Variants in BBOX1 observed in about 807,000 individuals in gnomAD.
BBOX1 encodes gamma-butyrobetaine hydroxylase 1.
Under a neutral mutation model 41.6 loss-of-function variants are expected in BBOX1, and 35 were observed. That is an observed-to-expected ratio of 0.84 (90% CI 0.64 to 1.11). The LOEUF (loss-of-function observed/expected upper bound fraction) is 1.11. BBOX1 is among the 50% of genes most tolerant of loss of function. The probability of loss-of-function intolerance (pLI) is 0.00; values close to 1 mark genes in which losing one functional copy is unlikely to be tolerated. For missense variants in BBOX1, 458 were observed against 460.6 expected, an observed-to-expected ratio of 0.99 and a Z score of 0.05; for synonymous variants, 163 against 154.7, an observed-to-expected ratio of 1.05 and a Z score of -0.40.
At chr11:27,126,762 G>T (rs569711913) in intron 8 of BBOX1, among the ~76,000 whole-genome samples, 1 of 147,660 alleles carries the variant, frequency 6.8e-6, no homozygotes, top group East Asian at 2.0e-4. Context: ...TGCAAGCTCC[G>T]CCTCCCGGGT....
intron 2 of BBOX1, among the ~76,000 whole-genome samples, chr11:27,050,125 T>TAA (rs1275840060): frequency 6.6e-6 from 1 of 152,180 alleles, no homozygotes; most frequent in Non-Finnish European, 1.5e-5. Flanking sequence ...TTTCCCCATT[T>TAA]AGTGTTCTTG....
intron 2 of BBOX1, among the ~76,000 whole-genome samples, chr11:27,048,749 C>CTTTT (rs35376713): frequency 2.4e-4 from 32 of 132,914 alleles, no homozygotes; most frequent in Non-Finnish European, 2.8e-4. Flanking sequence ...AATGGTAGTT[C>CTTTT]TTTTTTTTTT....
chr11:27,115,691 C>A, intron 6 of BBOX1, 134 bp downstream of exon 6: 1 of 617,002 alleles, frequency 1.6e-6, no homozygotes, highest in Non-Finnish European at 2.6e-6. Context: ...ACAATCCAAG[C>A]TCACAAAATC....
At chr11:27,076,906 T>G (rs1857650560) in intron 4 of BBOX1, among the ~76,000 whole-genome samples, 2 of 152,124 alleles carry the variant, frequency 1.3e-5, no homozygotes, top group African/African-American at 2.4e-5. Context: ...AAGGCAGGTC[T>G]CAGACTTGCA....
At chr11:27,056,778 A>C (rs1176512654) in intron 3 of BBOX1, among the ~76,000 whole-genome samples, 1 of 151,974 alleles carries the variant, frequency 6.6e-6, no homozygotes, top group Admixed American at 6.5e-5. Flanking sequence ...TGTCTTAAAA[A>C]TTAAGCTGGC....
chr11:27,086,458 C>T (rs546277030), intron 4 of BBOX1, among the ~76,000 whole-genome samples: 183 of 152,202 alleles, frequency 1.2e-3, no homozygotes, highest in Middle Eastern at 3.4e-3. Context: ...GATGACCATA[C>T]GTCTATTTAC....
intron 4 of BBOX1, among the ~76,000 whole-genome samples, chr11:27,075,467 C>T (rs1390045442): frequency 2.0e-5 from 3 of 152,100 alleles, no homozygotes; most frequent in Non-Finnish European, 4.4e-5. Flanking sequence ...AAATGCAACA[C>T]CCAATCATCG....
intron 4 of BBOX1, among the ~76,000 whole-genome samples, chr11:27,085,475 C>T (rs564110779): frequency 3.3e-5 from 5 of 151,754 alleles, no homozygotes; most frequent in South Asian, 4.2e-4. Flanking sequence ...TCTGGGGTAC[C>T]ATAACCAGCA....
At chr11:27,050,620 T>A (rs7128441) in intron 2 of BBOX1, among the ~76,000 whole-genome samples, 2 of 149,980 alleles carry the variant, frequency 1.3e-5, no homozygotes, top group South Asian at 4.2e-4. Flanking sequence ...TTGAATTGTC[T>A]TATCGATACC....
intron 4 of BBOX1, among the ~76,000 whole-genome samples, chr11:27,069,744 T>C (rs1206925569): frequency 1.3e-5 from 2 of 152,132 alleles, no homozygotes; most frequent in African/African-American, 4.8e-5. Context: ...CTCCATTCAG[T>C]ATGATGTTGG....
At chr11:27,088,399 T>C (rs1041671954) in intron 4 of BBOX1, among the ~76,000 whole-genome samples, 11 of 152,080 alleles carry the variant, frequency 7.2e-5, no homozygotes, top group African/African-American at 2.4e-4. Flanking sequence ...AGAAGCTAGC[T>C]GATTTTTCAG....
At position 27,119,704 on chromosome 11, in the gene BBOX1, T is replaced by C. The variant is rs1859396223; in HGVS notation, c.695T>C (p.Val232Ala). The stretch of plus-strand genomic sequence containing the variant: ...GTCACAGGGGGTGATTCAGAAATTG[T>C]AGATGGGTTTAATGTGTGCCAAAAA... Reference protein sequence around the residue: ...QTVTGGDSEIVDGFNVCQKLK... With the variant: ...QTVTGGDSEIADGFNVCQKLK... Residue 232 changes from valine to alanine, a missense_variant, in exon 7 of 9, where the codon GTA (valine) becomes GCA (alanine). Transcript: ENST00000263182. 3 of 1,581,526 alleles carry C rather than the reference T, an allele frequency of 1.9e-6. No homozygotes were observed. The highest frequency in any genetic ancestry group is 8.6e-7 in the Non-Finnish European group (1 of 1,166,794).
At position 27,055,658 on chromosome 11, in the gene BBOX1, C is replaced by T. The variant is rs781503812; in HGVS notation, c.219+9C>T. On this transcript the variant is annotated intron_variant, in intron 3 of 8. Coordinates refer to ENST00000263182, the MANE Select transcript of BBOX1 (RefSeq NM_003986.3). Reference sequence around the variant, plus strand: ...TATTTGACAGAAAAAAGGTAATTATCTCTAAATTATGTCTCCCTTCTTTCT... The same window carrying T: ...TATTTGACAGAAAAAAGGTAATTATTTCTAAATTATGTCTCCCTTCTTTCT... 1.3e-6 allele frequency: 2 copies of T among 1,599,450 alleles called. No individual in the cohort carries two copies. Among genetic ancestry groups the T allele is most frequent in the Non-Finnish European group, 1.7e-6 (2 of 1,167,476 alleles).
At chr11:27,082,642 T>A (rs910031048) in intron 4 of BBOX1, among the ~76,000 whole-genome samples, 1 of 152,182 alleles carries the variant, frequency 6.6e-6, no homozygotes, top group Non-Finnish European at 1.5e-5. Flanking sequence ...TTTCTCCTCA[T>A]CAATAAAATG....
chr11:27,087,918 A>G (rs1189578720), intron 4 of BBOX1, among the ~76,000 whole-genome samples: 1 of 152,102 alleles, frequency 6.6e-6, no homozygotes, highest in Non-Finnish European at 1.5e-5. Flanking sequence ...CTGTAAAATC[A>G]TAATTATTTA....
At chr11:27,074,588 G>C (rs1857574065) in intron 4 of BBOX1, among the ~76,000 whole-genome samples, 2 of 152,168 alleles carry the variant, frequency 1.3e-5, no homozygotes, top group Non-Finnish European at 2.9e-5. Flanking sequence ...CTGCCCTAGA[G>C]ATCTGTGTAA....
chr11:27,125,638 T>C lies in BBOX1; in HGVS notation c.837-16T>C. On this transcript the variant is annotated splice_polypyrimidine_tract_variant and intron_variant, in intron 7 of 8. Transcript: ENST00000263182. ...TTTCATGAATTATATATTAATTTTT[T>C]CTCTTAATAAAACAGGTTAGATGAT... 1 of 1,482,430 alleles carries C rather than the reference T, an allele frequency of 6.7e-7. No homozygotes were observed. Among genetic ancestry groups the C allele is most frequent in the South Asian group, 1.4e-5 (1 of 73,638 alleles). 91.8% of individuals were successfully genotyped at this position (1,482,430 alleles called of 1,614,324 possible).
Position 27,041,264 on chromosome 11 carries a change from T to C in BBOX1, c.-253T>C, listed in dbSNP as rs1423792760. 1 of 151,278 alleles carries C rather than the reference T, an allele frequency of 6.6e-6. No individual in the cohort carries two copies. Among genetic ancestry groups the C allele is most frequent in the East Asian group, 1.9e-4 (1 of 5,144 alleles). 9.4% of individuals were successfully genotyped at this position (151,278 alleles called of 1,614,324 possible). A position where few individuals can be genotyped will look rare whatever the true frequency, so the allele number is the denominator to read the frequency against. ...CCTCCAAGCTCCCTTCAGTAGTTGC[T>C]ACACCTTCAGATTGAGACATCCTTC... On this transcript the variant is annotated 5_prime_UTR_variant, in exon 2 of 9. Transcript: ENST00000263182.
intron 8 of BBOX1, among the ~76,000 whole-genome samples, chr11:27,126,806 T>G (rs1564995274): frequency 6.6e-6 from 1 of 151,560 alleles, no homozygotes; most frequent in South Asian, 2.1e-4. Context: ...CTCCTGAGTA[T>G]CTGGGACTAC....
Sources: allele counts gnomAD v4.1 joint callset (sites outside exome capture counted in the v4.1 genomes callset), GRCh38; gene constraint gnomAD v4.1.1; transcripts MANE v1.5; gene names NCBI Gene and HGNC (gene_info 2026-07-23, HGNC 2026-07-21).